Variants in TMEM108 observed in about 807,000 individuals in gnomAD.
TMEM108 encodes the protein cancer/testis antigen 124.
Under a neutral mutation model 35.1 loss-of-function variants are expected in TMEM108, and 12 were observed. That is an observed-to-expected ratio of 0.34 (90% CI 0.22 to 0.55). TMEM108 has a LOEUF of 0.55. Among genes scored for constraint, TMEM108 ranks in the 20% least tolerant of loss-of-function variants. The pLI, the probability that TMEM108 is intolerant of heterozygous loss-of-function variation, is 0.89. For missense variants in TMEM108, 680 were observed against 753.3 expected (o/e 0.90, Z 1.14); for synonymous variants, 287 against 308.6 (o/e 0.93, Z 0.73).
intron 3 of TMEM108, among the ~76,000 whole-genome samples, chr3:133,231,619 C>G (rs62280355): frequency 1.3e-5 from 2 of 151,920 alleles, no homozygotes; most frequent in African/African-American, 2.4e-5. Flanking sequence ...CCACATTGTA[C>G]TATCTGAGGA....
chr3:133,108,134 G>A (rs936507627), intron 2 of TMEM108, among the ~76,000 whole-genome samples: 4 of 152,136 alleles, frequency 2.6e-5, no homozygotes, highest in Non-Finnish European at 5.9e-5. Context: ...AGGAGGCTGA[G>A]GCAGGAGAAT....
intron 2 of TMEM108, among the ~76,000 whole-genome samples, chr3:133,078,171 GCGCACA>G (rs1301077548): frequency 7.1e-4 from 30 of 42,068 alleles, no homozygotes; most frequent in African/African-American, 2.5e-3. Context: ...ACGCGCGCGC[GCGCACA>G]CGTGTGTGTG....
intron 2 of TMEM108, among the ~76,000 whole-genome samples, chr3:133,208,992 A>T (rs144327666): frequency 1.3e-5 from 2 of 152,096 alleles, no homozygotes; most frequent in South Asian, 2.1e-4. Flanking sequence ...TCTCAAAACT[A>T]TCTTGCAGTA....
At chr3:133,151,143 C>T (rs1353174042) in intron 2 of TMEM108, among the ~76,000 whole-genome samples, 1 of 151,996 alleles carries the variant, frequency 6.6e-6, no homozygotes, top group African/African-American at 2.4e-5. Context: ...GTAAGGGGAC[C>T]TTGCTAGGTG....
chr3:133,203,852 A>G lies in TMEM108; in HGVS notation c.-46-25414A>G, dbSNP rs116933391. Among the ~76,000 whole-genome samples, 13 of 152,250 alleles carry G rather than the reference A, an allele frequency of 8.5e-5. No homozygotes were observed. The East Asian group carries it at 2.3e-3, about 27-fold the overall frequency. On this transcript the variant is annotated intron_variant, in intron 2 of 5. Transcript: ENST00000321871. ...AGTCCCTCTTTGTCCATTGTTTGTA[A>G]TAGTTTCAGAAGGAATGGAAGCAGC...
intron 2 of TMEM108, among the ~76,000 whole-genome samples, chr3:133,110,359 C>T (rs1393345253): frequency 1.3e-5 from 2 of 152,194 alleles, no homozygotes; most frequent in Non-Finnish European, 2.9e-5. Context: ...CTATGTGCGT[C>T]AGGTAGCTCT....
At chr3:133,196,715 G>T (rs1945583271) in intron 2 of TMEM108, among the ~76,000 whole-genome samples, 1 of 152,166 alleles carries the variant, frequency 6.6e-6, no homozygotes, top group African/African-American at 2.4e-5. Context: ...AACATTCAGG[G>T]CTGCTGAGTC....
At position 133,388,093 on chromosome 3, in the gene TMEM108, C is replaced by T. The variant is rs2073180495; in HGVS notation, c.1451-2087C>T. 4.1e-6 allele frequency: 4 copies of T among 985,326 alleles called. No individual in the cohort carries two copies. The South Asian group carries it at 1.9e-4, about 46-fold the overall frequency. 61.0% of individuals were successfully genotyped at this position (985,326 alleles called of 1,614,324 possible). A position where few individuals can be genotyped will look rare whatever the true frequency, so the allele number is the denominator to read the frequency against. On this transcript the variant is annotated intron_variant, in intron 4 of 5. Coordinates refer to ENST00000321871, the MANE Select transcript of TMEM108 (RefSeq NM_023943.4). ...AGAGCTGTTCTGTTTGTCCTGATTGCTCCCCTCCCTCTAGCTCTAACTCTA... is the reference window on the plus strand; with the variant it reads ...AGAGCTGTTCTGTTTGTCCTGATTGTTCCCCTCCCTCTAGCTCTAACTCTA...
intron 3 of TMEM108, among the ~76,000 whole-genome samples, chr3:133,316,454 G>C (rs2071200507): frequency 6.6e-6 from 1 of 152,182 alleles, no homozygotes; most frequent in South Asian, 2.1e-4. Context: ...CACTTAGAGA[G>C]CTGTGTGGTC....
chr3:133,234,882 A>G (rs961510598), intron 3 of TMEM108, among the ~76,000 whole-genome samples: 2 of 152,238 alleles, frequency 1.3e-5, no homozygotes, highest in Admixed American at 1.3e-4. Flanking sequence ...AATCTGCTTA[A>G]GCTGATAAGC....
chr3:133,049,848 A>G (rs1244279583), intron 2 of TMEM108, among the ~76,000 whole-genome samples: 3 of 152,032 alleles, frequency 2.0e-5, no homozygotes, highest in Non-Finnish European at 2.9e-5. Context: ...CCTACTTCCA[A>G]TTTCCAGCTT....
At chr3:133,218,778 T>C (rs1945945549) in intron 2 of TMEM108, among the ~76,000 whole-genome samples, 1 of 152,106 alleles carries the variant, frequency 6.6e-6, no homozygotes, top group African/African-American at 2.4e-5. Context: ...GAACTTTGTT[T>C]GCAAGCATTT....
At chr3:133,065,974 A>G (rs1364978244) in intron 2 of TMEM108, among the ~76,000 whole-genome samples, 1 of 152,212 alleles carries the variant, frequency 6.6e-6, no homozygotes, top group Non-Finnish European at 1.5e-5. Context: ...GAGCAACCAC[A>G]ATAGCTACAT....
At chr3:133,169,561 T>C (rs1006984354) in intron 2 of TMEM108, among the ~76,000 whole-genome samples, 3 of 152,218 alleles carry the variant, frequency 2.0e-5, no homozygotes, top group African/African-American at 7.2e-5. Flanking sequence ...TGGAAGGAGA[T>C]GCTGCCAGGG....
At chr3:133,317,243 G>C (rs2071211005) in intron 3 of TMEM108, among the ~76,000 whole-genome samples, 1 of 152,064 alleles carries the variant, frequency 6.6e-6, no homozygotes, top group Non-Finnish European at 1.5e-5. Context: ...ATGCATTGCT[G>C]TTACTGTATT....
chr3:133,043,037 G>C (rs1576288347), intron 1 of TMEM108, among the ~76,000 whole-genome samples: 2 of 152,160 alleles, frequency 1.3e-5, no homozygotes, highest in East Asian at 3.8e-4. Flanking sequence ...TTGTGAGCAG[G>C]ATTTTTCACT....
At chr3:133,274,340 T>G (rs1946811348) in intron 3 of TMEM108, among the ~76,000 whole-genome samples, 1 of 152,218 alleles carries the variant, frequency 6.6e-6, no homozygotes, top group Non-Finnish European at 1.5e-5. Flanking sequence ...CTGTGGCTGA[T>G]GAGTGACTCC....
intron 3 of TMEM108, among the ~76,000 whole-genome samples, chr3:133,322,697 C>T (rs2071281624): frequency 6.6e-6 from 1 of 151,966 alleles, no homozygotes; most frequent in African/African-American, 2.4e-5. Context: ...ATTCCAAAAC[C>T]AGGAAAGGAC....
chr3:133,220,966 C>T (rs1222225187), intron 2 of TMEM108, among the ~76,000 whole-genome samples: 1 of 152,140 alleles, frequency 6.6e-6, no homozygotes, highest in Non-Finnish European at 1.5e-5. Context: ...ATAAAGGATA[C>T]AGGTGAACAG....
Sources: allele counts gnomAD v4.1 joint callset (sites outside exome capture counted in the v4.1 genomes callset), GRCh38; gene constraint gnomAD v4.1.1; transcripts MANE v1.5; gene names NCBI Gene and HGNC (gene_info 2026-07-23, HGNC 2026-07-21).